MED13: variants seen among roughly 807,000 people sequenced by gnomAD.
The protein encoded by MED13 is mediator complex subunit 13, also known as mediator of RNA polymerase II transcription subunit 13.
In MED13, 23 loss-of-function variants were observed where a neutral mutation model predicts 225.2. That is an observed-to-expected ratio of 0.10 (90% CI 0.07 to 0.14). MED13 has a LOEUF of 0.14. Among genes scored for constraint, MED13 ranks in the 10% least tolerant of loss-of-function variants. The pLI is 1.00. For synonymous variants in MED13, 942 were observed against 889.2 expected (o/e 1.06, Z -1.06); for missense variants, 2,197 against 2,594.5 (o/e 0.85, Z 3.33).
intron 9 of MED13, among the ~76,000 whole-genome samples, chr17:62,000,522 CTCCT>C (rs1217513828): frequency 6.6e-6 from 1 of 152,160 alleles, no homozygotes; most frequent in Admixed American, 6.5e-5. Context: ...ATCAATCTCT[CTCCT>C]TCAAGATAAC....
chr17:62,021,290 CGG>C (rs1163192000), intron 8 of MED13, among the ~76,000 whole-genome samples: 3 of 150,662 alleles, frequency 2.0e-5, no homozygotes, highest in Non-Finnish European at 1.5e-5. Flanking sequence ...CCTCACCTCC[CGG>C]ACGGGGCGGC....
At chr17:62,026,828 C>T (rs973649610) in intron 8 of MED13, among the ~76,000 whole-genome samples, 3 of 152,064 alleles carry the variant, frequency 2.0e-5, no homozygotes, top group Non-Finnish European at 4.4e-5. Context: ...AAATGCAATC[C>T]CAGTCACATC....
intron 23 of MED13, among the ~76,000 whole-genome samples, chr17:61,957,372 C>T (rs143438065): frequency 1.8e-4 from 26 of 144,670 alleles, no homozygotes; most frequent in African/African-American, 5.7e-4. Context: ...TTTTTTGAGA[C>T]GGAGTCTTGC....
rs201198477 is a variant in MED13, at chr17:61,961,106, T to A, written c.5257-16A>T. 185 of 1,559,332 alleles carry A rather than the reference T, an allele frequency of 1.2e-4. No individual in the cohort carries two copies. In the African/African-American group the frequency reaches 1.4e-3, roughly 12 times the overall value. ...ACTCTGGTCTCTATAAAATAAAAAA[T>A]TAAGGTATTATCATACTATACAATC... On this transcript the variant is annotated splice_polypyrimidine_tract_variant and intron_variant, in intron 22 of 29. Coordinates refer to ENST00000397786, the MANE Select transcript of MED13 (RefSeq NM_005121.3).
chr17:61,986,281 A>T (rs888973481), intron 12 of MED13, among the ~76,000 whole-genome samples: 1 of 152,192 alleles, frequency 6.6e-6, no homozygotes, highest in Non-Finnish European at 1.5e-5. Context: ...ACATATAGAG[A>T]TATATATGTT....
intron 1 of MED13, 122 bp downstream of exon 1, chr17:62,065,018 G>A: frequency 1.2e-6 from 1 of 815,764 alleles, no homozygotes; most frequent in Non-Finnish European, 1.8e-6. Flanking sequence ...GCAGGGCGCC[G>A]GCTCCGGCTG....
intron 3 of MED13, among the ~76,000 whole-genome samples, chr17:62,043,727 C>A (rs2143724026): frequency 6.6e-6 from 1 of 152,304 alleles, no homozygotes; most frequent in Non-Finnish European, 1.5e-5. Context: ...AGCACACACA[C>A]CTAATTTCAA....
In MED13 at chr17:61,993,197, TTTC is replaced by T. The variant is rs1187316302; in HGVS notation, c.2182-579_2182-577del. 9.9e-4 allele frequency among the ~76,000 whole-genome samples: 116 copies of T among 117,332 alleles called. 1 individual carries two copies. Among genetic ancestry groups the T allele is most frequent in the African/African-American group, 6.4e-3 (92 of 14,418 alleles). The allele number at this position is 117,332 out of a possible 152,430, so 77.0% of individuals were successfully genotyped here. ...AAAGTCCATGTTCTTTCTTTCTTTC[TTTC>T]TTTTTTTTTTTTTTTTTTTGAGACA... On this transcript the variant is annotated intron_variant, in intron 10 of 29. Coordinates refer to ENST00000397786, the MANE Select transcript of MED13 (RefSeq NM_005121.3).
chr17:62,000,804 TC>T (rs1567969246), intron 9 of MED13, among the ~76,000 whole-genome samples: 1 of 152,116 alleles, frequency 6.6e-6, no homozygotes, highest in Non-Finnish European at 1.5e-5. Flanking sequence ...GCTCTGTTGC[TC>T]AGGATGGAGT....
At chr17:62,017,519 G>A (rs1455199569) in intron 8 of MED13, among the ~76,000 whole-genome samples, 2 of 152,034 alleles carry the variant, frequency 1.3e-5, no homozygotes, top group Non-Finnish European at 2.9e-5. Flanking sequence ...CCTTTTCAGG[G>A]GCTACAGGGG....
At chr17:61,967,479 G>A (rs908710103) in intron 18 of MED13, among the ~76,000 whole-genome samples, 13 of 152,230 alleles carry the variant, frequency 8.5e-5, no homozygotes, top group East Asian at 1.9e-4. Context: ...ACTAAATTTC[G>A]AAGCCTTTGT....
chr17:61,973,144 G>A lies in MED13; in HGVS notation c.3806-256C>T, dbSNP rs551129959. On this transcript the variant is annotated intron_variant, in intron 16 of 29. Coordinates refer to ENST00000397786, the MANE Select transcript of MED13 (RefSeq NM_005121.3). The stretch of plus-strand genomic sequence containing the variant: ...TTCCATAAAAAGTCATTCATTAGCT[G>A]ATTAATCAATTTATAAATTAATCAA... Among the ~76,000 whole-genome samples the A allele has an allele frequency of 8.5e-5, 13 of 152,226 alleles. No homozygotes were observed. The East Asian group carries it at 2.5e-3, about 29-fold the overall frequency.
At chr17:61,966,436 T>C (rs2080058803) in intron 19 of MED13, 26 bp downstream of exon 19, 1 of 1,582,396 alleles carries the variant, frequency 6.3e-7, no homozygotes, top group African/African-American at 1.3e-5. Context: ...AACACCAGCC[T>C]TATACAATAA....
chr17:61,968,268 A>G lies in MED13; in HGVS notation c.3968-10T>C. The G allele has an allele frequency of 6.3e-7, 1 of 1,578,422 alleles. No homozygotes were observed. Among genetic ancestry groups the G allele is most frequent in the Non-Finnish European group, 8.6e-7 (1 of 1,157,336 alleles). On this transcript the variant is annotated splice_polypyrimidine_tract_variant and intron_variant, in intron 17 of 29. Transcript: ENST00000397786. ...GGGGATTCATCAGTTCCTAAATAAG[A>G]AAGATGTATTTTAAGAAAACACTTA...
chr17:61,987,418 A>AG (rs2080257497), intron 11 of MED13, among the ~76,000 whole-genome samples: 1 of 152,138 alleles, frequency 6.6e-6, no homozygotes, highest in South Asian at 2.1e-4. Flanking sequence ...TGGGAGACAG[A>AG]GCGAGACTCC....
chr17:61,969,904 T>C (rs570051795), intron 17 of MED13, among the ~76,000 whole-genome samples: 174 of 152,198 alleles, frequency 1.1e-3, no homozygotes, highest in Non-Finnish European at 1.1e-3. Context: ...GCCTGGTGAG[T>C]GTTCTTACCA....
rs73336446 is a variant in MED13 at position 62,049,626 on chromosome 17, G to A, written c.470+2911C>T. Among the ~76,000 whole-genome samples the A allele has an allele frequency of 3.8e-3, 582 of 152,214 alleles. 4 individuals carry two copies. The highest frequency in any genetic ancestry group is 0.013 in the African/African-American group (543 of 41,528). The stretch of plus-strand genomic sequence containing the variant: ...TCATTAACACCTGGGAAAACAAAAC[G>A]ATGTACAAGAAATGAAATGTGAAGG... On this transcript the variant is annotated intron_variant, in intron 3 of 29. Coordinates refer to ENST00000397786, the MANE Select transcript of MED13 (RefSeq NM_005121.3).
intron 11 of MED13, 59 bp downstream of exon 11, chr17:61,992,481 A>G (rs1421173123): frequency 3.0e-6 from 3 of 1,009,498 alleles, no homozygotes; most frequent in Non-Finnish European, 4.7e-6. Flanking sequence ...ACAATATCAG[A>G]TCAGTCTGTA....
intron 3 of MED13, among the ~76,000 whole-genome samples, chr17:62,043,668 T>C (rs539779880): frequency 1.1e-4 from 17 of 152,288 alleles, no homozygotes; most frequent in Non-Finnish European, 1.8e-4. Context: ...CATATAACTA[T>C]TGGTGACTTA....
Sources: allele counts gnomAD v4.1 joint callset (sites outside exome capture counted in the v4.1 genomes callset), GRCh38; gene constraint gnomAD v4.1.1; transcripts MANE v1.5; gene names NCBI Gene and HGNC (gene_info 2026-07-23, HGNC 2026-07-21).